The following RXRA variants were observed in gnomAD, a reference collection of about 807,000 sequenced individuals.
RXRA encodes retinoid X receptor alpha.
In RXRA, 5 loss-of-function variants were observed where a neutral mutation model predicts 44.5. That is an observed-to-expected ratio of 0.11 (90% CI 0.06 to 0.24). The LOEUF (loss-of-function observed/expected upper bound fraction) is 0.24, where lower values mean the gene tolerates loss of function less well. Among genes scored for constraint, RXRA ranks in the 10% least tolerant of loss-of-function variants. The probability of loss-of-function intolerance (pLI) is 1.00; values close to 1 mark genes in which losing one functional copy is unlikely to be tolerated. For synonymous variants in RXRA, 291 were observed against 271.4 expected (o/e 1.07, Z -0.71); for missense variants, 412 against 646.5 (o/e 0.64, Z 3.93).
rs369922411 is a variant in RXRA at position 134,375,909 on chromosome 9, C to T, written c.29-25723C>T. Among the ~76,000 whole-genome samples, 7 of 151,722 alleles carry T rather than the reference C, an allele frequency of 4.6e-5. No individual in the cohort carries two copies. In the South Asian group the frequency reaches 1.2e-3, roughly 27 times the overall value. ...CCCTGCGACTCGATGGCAGAGGCCACGTAGAGAAAACAAGCTGCCGGCCGC... is the reference window on the plus strand; with the variant it reads ...CCCTGCGACTCGATGGCAGAGGCCATGTAGAGAAAACAAGCTGCCGGCCGC... On this transcript the variant is annotated intron_variant, in intron 1 of 9. Transcript: ENST00000481739.
intron 1 of RXRA, among the ~76,000 whole-genome samples, chr9:134,367,461 C>T (rs1384322043): frequency 6.6e-6 from 1 of 152,232 alleles, no homozygotes; most frequent in Non-Finnish European, 1.5e-5. Context: ...GCAGGGACGA[C>T]GTGCCAGGGC....
chr9:134,376,929 C>T (rs569522045), intron 1 of RXRA, among the ~76,000 whole-genome samples: 234 of 152,304 alleles, frequency 1.5e-3, no homozygotes, highest in Middle Eastern at 6.8e-3. Context: ...GGCGGGCAGT[C>T]GCTGGGCTGA....
At chr9:134,348,004 A>T (rs1418714491) in intron 1 of RXRA, among the ~76,000 whole-genome samples, 1 of 152,060 alleles carries the variant, frequency 6.6e-6, no homozygotes, top group African/African-American at 2.4e-5. Context: ...GGTCATGGCC[A>T]TGGCTGTGGG....
At chr9:134,327,920 A>G (rs1215068212) in intron 1 of RXRA, among the ~76,000 whole-genome samples, 1 of 152,182 alleles carries the variant, frequency 6.6e-6, no homozygotes, top group African/African-American at 2.4e-5. Flanking sequence ...GAGGCCTTGA[A>G]TGAGCTCCAG....
chr9:134,425,521 A>G, intron 6 of RXRA: 1 of 917,484 alleles, frequency 1.1e-6, no homozygotes, highest in Non-Finnish European at 1.3e-6. Flanking sequence ...TGGGTTGCAC[A>G]GGCACCTCCT....
At chr9:134,399,708 G>A (rs995640324) in intron 1 of RXRA, among the ~76,000 whole-genome samples, 5 of 152,210 alleles carry the variant, frequency 3.3e-5, no homozygotes, top group Admixed American at 3.3e-4. Context: ...TCAATGAAAT[G>A]GCTTATTCCC....
chr9:134,364,084 C>T (rs1830385947), intron 1 of RXRA, among the ~76,000 whole-genome samples: 1 of 152,184 alleles, frequency 6.6e-6, no homozygotes, highest in Admixed American at 6.5e-5. Context: ...CTCCCAGCTG[C>T]CCCTCCTTCA....
At position 134,431,754 on chromosome 9, in the gene RXRA, C is replaced by T. The variant is rs372558766; in HGVS notation, c.1044-151C>T. 5.0e-4 allele frequency: 293 copies of T among 589,458 alleles called. 1 individual carries two copies. The highest frequency in any genetic ancestry group is 2.3e-4 in the Non-Finnish European group (76 of 331,588). The allele number at this position is 589,458 out of a possible 1,614,324, so 36.5% of individuals were successfully genotyped here. Reference sequence around the variant, plus strand: ...GCCTGGGTTCCAGCCCACTCCCTCTCGGGGTGTCTGGGAGTCCTTGCCTTG... The same window carrying T: ...GCCTGGGTTCCAGCCCACTCCCTCTTGGGGTGTCTGGGAGTCCTTGCCTTG... On this transcript the variant is annotated intron_variant, in intron 7 of 9. Coordinates refer to ENST00000481739, the MANE Select transcript of RXRA (RefSeq NM_002957.6).
intron 3 of RXRA, 131 bp from the exon 4 acceptor site, chr9:134,408,809 A>C: frequency 1.2e-6 from 1 of 824,242 alleles, no homozygotes; most frequent in Non-Finnish European, 1.9e-6. Context: ...GAGCCCAGGC[A>C]GGGGTCTGGA....
intron 4 of RXRA, among the ~76,000 whole-genome samples, chr9:134,413,856 G>A (rs1312340738): frequency 6.6e-6 from 1 of 152,152 alleles, no homozygotes; most frequent in Non-Finnish European, 1.5e-5. Flanking sequence ...GGGTCCGCCT[G>A]GGCAGGAGTC....
intron 6 of RXRA, 85 bp downstream of exon 6, chr9:134,421,890 C>T (rs1455423918): frequency 1.9e-6 from 3 of 1,554,600 alleles, no homozygotes; most frequent in Non-Finnish European, 2.6e-6. Context: ...GGATACTCCG[C>T]ACTCCCGGGA....
chr9:134,384,970 C>T (rs1830697765), intron 1 of RXRA, among the ~76,000 whole-genome samples: 1 of 152,218 alleles, frequency 6.6e-6, no homozygotes, highest in Non-Finnish European at 1.5e-5. Context: ...ATCTTGGCGG[C>T]CTGTCCCCAG....
intron 1 of RXRA, among the ~76,000 whole-genome samples, chr9:134,398,764 T>G (rs577378356): frequency 1.3e-5 from 2 of 152,360 alleles, no homozygotes; most frequent in Admixed American, 1.3e-4. Context: ...AATTCCCATC[T>G]TCTTCCCAGA....
chr9:134,422,707 G>A, intron 6 of RXRA: 4 of 985,404 alleles, frequency 4.1e-6, no homozygotes, highest in South Asian at 9.4e-5. Flanking sequence ...GACCTCCTAT[G>A]TACTCTATGG....
intron 1 of RXRA, among the ~76,000 whole-genome samples, chr9:134,353,426 A>G (rs782156873): frequency 3.9e-5 from 6 of 152,170 alleles, no homozygotes; most frequent in Non-Finnish European, 2.9e-5. Context: ...GGCCCCATGC[A>G]TGTACACCGC....
intron 4 of RXRA, 96 bp downstream of exon 4, chr9:134,409,215 G>A: frequency 8.0e-7 from 1 of 1,253,616 alleles, no homozygotes; most frequent in Non-Finnish European, 1.1e-6. Context: ...AACAGGGAGT[G>A]AGTGGCCTGG....
intron 6 of RXRA, chr9:134,424,778 A>C (rs149197264): frequency 7.0e-4 from 693 of 985,332 alleles, no homozygotes; most frequent in Middle Eastern, 3.1e-3. Flanking sequence ...TGGCTGAAGG[A>C]CTCTGTCCCC....
In RXRA at chr9:134,379,875, C is replaced by T. The variant is rs796988946; in HGVS notation, c.29-21757C>T. 5.5e-5 allele frequency: 54 copies of T among 985,312 alleles called. No homozygotes were observed. In the African/African-American group the frequency reaches 8.9e-4, roughly 16 times the overall value. The allele number at this position is 985,312 out of a possible 1,614,324, so 61.0% of individuals were successfully genotyped here. ...GCCCTGGGATCTGGCCTTGGCGGCTCCAGCCCCCTCTCCAGTATGGCAGAG... is the reference window on the plus strand; with the variant it reads ...GCCCTGGGATCTGGCCTTGGCGGCTTCAGCCCCCTCTCCAGTATGGCAGAG... On this transcript the variant is annotated intron_variant, in intron 1 of 9. Coordinates refer to ENST00000481739, the MANE Select transcript of RXRA (RefSeq NM_002957.6).
chr9:134,401,394 A>T, intron 1 of RXRA: 2 of 606,222 alleles, frequency 3.3e-6, no homozygotes, highest in Non-Finnish European at 2.8e-6. Context: ...CGTCTGCCGC[A>T]GGCCCAGCCT....
Sources: gnomAD v4.1 joint callset for allele counts (sites outside exome capture counted in the v4.1 genomes callset) on GRCh38, gnomAD v4.1.1 for gene constraint, MANE v1.5 for transcripts, NCBI Gene and HGNC (gene_info 2026-07-23, HGNC 2026-07-21) for gene names.